PPARGC1A: variants seen among roughly 807,000 people sequenced by gnomAD.
PPARGC1A encodes the protein peroxisome proliferator-activated receptor gamma coactivator 1-alpha.
In PPARGC1A, 25 loss-of-function variants were observed where a neutral mutation model predicts 88.7. That is an observed-to-expected ratio of 0.28 (90% CI 0.21 to 0.39). The LOEUF (loss-of-function observed/expected upper bound fraction) is 0.39, where lower values mean the gene tolerates loss of function less well. PPARGC1A is among the 10% of genes least tolerant of loss of function. The pLI is 1.00. For synonymous variants in PPARGC1A, 363 were observed against 355.6 expected, an observed-to-expected ratio of 1.02 and a Z score of -0.24; for missense variants, 880 against 968.7, an observed-to-expected ratio of 0.91 and a Z score of 1.22.
chr4:24,317,555 TAAAAAAAAAAAAAAAAAAAAAAAA>T, the PPARGC1A span, among the ~76,000 whole-genome samples: 47 of 22,224 alleles, frequency 2.1e-3, no homozygotes, highest in Middle Eastern at 0.042. Flanking sequence ...TTCAGAGGAC[TAAAAAAAAAAAAAAAAAAAAAAAA>T]AAAAAAAAAA....
chr4:23,873,030 A>T (rs1293585019), intron 2 of PPARGC1A, among the ~76,000 whole-genome samples: 1 of 151,694 alleles, frequency 6.6e-6, no homozygotes, highest in Non-Finnish European at 1.5e-5. Context: ...CTCTACTAAA[A>T]ATACAAAAAA....
chr4:24,296,221 A>G, the PPARGC1A span, among the ~76,000 whole-genome samples: 2 of 150,010 alleles, frequency 1.3e-5, no homozygotes, highest in Non-Finnish European at 3.0e-5. Context: ...ATATATATTT[A>G]TATATATATA....
chr4:24,062,958 C>T, the PPARGC1A span, among the ~76,000 whole-genome samples: 10 of 152,260 alleles, frequency 6.6e-5, no homozygotes, highest in Admixed American at 3.3e-4. Context: ...AAAGAAAATA[C>T]GCCAACACTT....
chr4:24,146,991 G>C, the PPARGC1A span, among the ~76,000 whole-genome samples: 1 of 152,146 alleles, frequency 6.6e-6, no homozygotes, highest in Non-Finnish European at 1.5e-5. Context: ...CCCATGCCTG[G>C]AACAGTGCTT....
At chr4:24,457,894 T>G in the PPARGC1A span, among the ~76,000 whole-genome samples, 1 of 152,136 alleles carries the variant, frequency 6.6e-6, no homozygotes, top group Non-Finnish European at 1.5e-5. Context: ...GTTTATTCCT[T>G]GTTTTGAAGT....
chr4:24,465,782 G>A, the PPARGC1A span, among the ~76,000 whole-genome samples: 1 of 152,184 alleles, frequency 6.6e-6, no homozygotes, highest in Non-Finnish European at 1.5e-5. Flanking sequence ...ATTAGTTCAT[G>A]ATGGACATAA....
the PPARGC1A span, among the ~76,000 whole-genome samples, chr4:23,950,473 AC>A: frequency 6.6e-6 from 1 of 152,116 alleles, no homozygotes; most frequent in Admixed American, 6.6e-5. Flanking sequence ...AAAGTAATAA[AC>A]CTGATCATGA....
the PPARGC1A span, among the ~76,000 whole-genome samples, chr4:24,356,638 GTC>G: frequency 6.6e-6 from 1 of 152,102 alleles, no homozygotes; most frequent in Non-Finnish European, 1.5e-5. Flanking sequence ...CCTGAGCAAT[GTC>G]TCTGGGCCCT....
At chr4:23,998,826 A>G in the PPARGC1A span, among the ~76,000 whole-genome samples, 4 of 152,328 alleles carry the variant, frequency 2.6e-5, no homozygotes, top group Middle Eastern at 3.4e-3. Context: ...ACTAAATGCC[A>G]TGGTAGCTTG....
chr4:24,437,593 TTTTGTTGTTG>T, the PPARGC1A span, among the ~76,000 whole-genome samples: 2 of 114,818 alleles, frequency 1.7e-5, no homozygotes, highest in Admixed American at 1.8e-4. Flanking sequence ...GGCACAGGTT[TTTTGTTGTTG>T]TTGTTGTTGT....
chr4:24,033,232 T>C, the PPARGC1A span, among the ~76,000 whole-genome samples: 1 of 152,230 alleles, frequency 6.6e-6, no homozygotes, highest in African/African-American at 2.4e-5. Flanking sequence ...TTCTGTATAA[T>C]GGAGGTAATT....
chr4:23,996,468 T>C, the PPARGC1A span, among the ~76,000 whole-genome samples: 4 of 152,122 alleles, frequency 2.6e-5, no homozygotes, highest in African/African-American at 9.7e-5. Flanking sequence ...TGCTGCTTCT[T>C]GTTGCCAGGG....
the PPARGC1A span, among the ~76,000 whole-genome samples, chr4:24,115,457 G>A: frequency 6.6e-6 from 1 of 152,014 alleles, no homozygotes; most frequent in Non-Finnish European, 1.5e-5. Context: ...CGAGTACCCT[G>A]GCATACATCA....
At chr4:23,802,738 T>G (rs1719043046) in intron 10 of PPARGC1A, among the ~76,000 whole-genome samples, 1 of 144,102 alleles carries the variant, frequency 6.9e-6, no homozygotes, top group Non-Finnish European at 1.5e-5. Flanking sequence ...TGTACAATCA[T>G]GCATAAGAAA....
chr4:24,235,437 G>A, the PPARGC1A span, among the ~76,000 whole-genome samples: 1 of 152,260 alleles, frequency 6.6e-6, no homozygotes, highest in South Asian at 2.1e-4. Context: ...CATGAGAATT[G>A]TCTGATGCCC....
intron 2 of PPARGC1A, among the ~76,000 whole-genome samples, chr4:23,855,585 G>A (rs57156551): frequency 0.037 from 5,599 of 152,212 alleles, 325 homozygotes; most frequent in African/African-American, 0.13. Context: ...TATTCTGCAT[G>A]CATTTAATAT....
chr4:23,901,851 GATACATT>G (rs1653959099), upstream of PPARGC1A, among the ~76,000 whole-genome samples: 1 of 152,008 alleles, frequency 6.6e-6, no homozygotes. Flanking sequence ...TGACATAAAG[GATACATT>G]ATATTTTGTC....
the PPARGC1A span, among the ~76,000 whole-genome samples, chr4:24,276,267 T>C: frequency 2.6e-5 from 4 of 152,110 alleles, no homozygotes; most frequent in African/African-American, 9.7e-5. Flanking sequence ...GGGGAGGAGC[T>C]CAAAGTCACA....
the PPARGC1A span, among the ~76,000 whole-genome samples, chr4:24,340,740 C>T: frequency 1.3e-5 from 2 of 151,946 alleles, no homozygotes; most frequent in African/African-American, 4.8e-5. Context: ...AAGATGGGAA[C>T]GCAGTGGGCT....
Sources: gnomAD v4.1 joint callset for allele counts (sites outside exome capture counted in the v4.1 genomes callset) on GRCh38, gnomAD v4.1.1 for gene constraint, MANE v1.5 for transcripts, NCBI Gene and HGNC (gene_info 2026-07-23, HGNC 2026-07-21) for gene names.